The following ANOS1 variants were observed in gnomAD, a reference collection of about 807,000 sequenced individuals.
ANOS1 encodes anosmin 1.
ANOS1 carries 6 observed loss-of-function variants against 59.0 expected under a neutral mutation model. The observed-to-expected ratio is 0.10, with a 90% confidence interval of 0.06 to 0.20. ANOS1 has a LOEUF of 0.20. Ranked by LOEUF, ANOS1 falls within the 10% of genes least tolerant of loss-of-function variation. The probability of loss-of-function intolerance (pLI) is 1.00; values close to 1 mark genes in which losing one functional copy is unlikely to be tolerated. For synonymous variants in ANOS1, 217 were observed against 223.4 expected, an observed-to-expected ratio of 0.97 and a Z score of 0.25; for missense variants, 433 against 542.3, an observed-to-expected ratio of 0.80 and a Z score of 2.00.
At chrX:8,702,105 TCCACATCTGGGCCCTCATCTCTCCCC>T (rs1350492278) in intron 1 of ANOS1, among the ~76,000 whole-genome samples, 17 of 110,919 alleles carry the variant, frequency 1.5e-4, no homozygotes, top group Non-Finnish European at 2.8e-4. Context: ...GTTCCGTACG[TCCACATCTGGGCCCTCATCTCTCCCC>T]CCACATCTAT....
In ANOS1 at chrX:8,568,330, T is replaced by C; in HGVS notation, c.1109A>G (p.Tyr370Cys). 3 of 1,210,006 alleles carry C rather than the reference T, an allele frequency of 2.5e-6. No individual in the cohort carries two copies. The highest frequency in any genetic ancestry group is 3.4e-6 in the Non-Finnish European group (3 of 893,924). Residue 370 changes from tyrosine (Y) to cysteine (C), a missense_variant, in exon 8 of 14, where the codon TAT becomes TGT. By Grantham distance (194) the Tyr-to-Cys change is radical. Coordinates refer to ENST00000262648, the MANE Select transcript of ANOS1 (RefSeq NM_000216.4). ...CGTTATGGCTTGCAATTCCACAACA[T>C]AGTCACAGTCTGGCTGGAGTTTCTC... is the stretch of plus-strand genomic sequence containing the variant. The part of the protein sequence containing the change: ...ILEKLQPDCD[Y>C]VVELQAITYW...
chrX:8,637,846 G>A (rs916195001), intron 2 of ANOS1, among the ~76,000 whole-genome samples: 9 of 112,272 alleles, frequency 8.0e-5, no homozygotes, highest in East Asian at 2.8e-4. Flanking sequence ...ATATATTTAC[G>A]CAGCATTTGA....
intron 8 of ANOS1, among the ~76,000 whole-genome samples, chrX:8,563,735 T>G (rs1024360570): frequency 1.8e-5 from 2 of 112,154 alleles, no homozygotes; most frequent in Non-Finnish European, 3.8e-5. Context: ...TACTGAGCTC[T>G]TACTATGTTC....
chrX:8,685,394 T>C (rs1265109413), intron 2 of ANOS1, among the ~76,000 whole-genome samples: 1 of 107,596 alleles, frequency 9.3e-6, no homozygotes, highest in Non-Finnish European at 1.9e-5. Context: ...AGAAAGTCTT[T>C]CATGGAAACC....
chrX:8,536,916 C>T lies in ANOS1; in HGVS notation c.1476G>A (p.Leu492=), dbSNP rs1177284170. The change falls in exon 11 of 14, where the codon CTG becomes CTA. Residue 492 remains leucine, a synonymous_variant. Coordinates refer to ENST00000262648, the MANE Select transcript of ANOS1 (RefSeq NM_000216.4). ...TCACCTTATACTTGCAGGAAAATGA[C>T]AGATCTTGAAGAATTATGTAATTTT... is the stretch of plus-strand genomic sequence containing the variant. ...THENYIILQD[L]SFSCKYKVTV... 1.7e-6 allele frequency: 2 copies of T among 1,206,282 alleles called. No homozygotes were observed. Among genetic ancestry groups the T allele is most frequent in the Admixed American group, 2.2e-5 (1 of 45,671 alleles).
At chrX:8,575,614 T>C (rs867436420) in intron 6 of ANOS1, among the ~76,000 whole-genome samples, 1 of 101,417 alleles carries the variant, frequency 9.9e-6, no homozygotes, top group Non-Finnish European at 2.0e-5. Flanking sequence ...TGAAACATTA[T>C]GAAACATGAA....
At chrX:8,535,512 A>C in intron 12 of ANOS1, 79 bp downstream of exon 12, 1 of 752,399 alleles carries the variant, frequency 1.3e-6, no homozygotes, top group Non-Finnish European at 2.1e-6. Context: ...AGAATGACAG[A>C]GGTAGCCACC....
chrX:8,591,123 T>C (rs780330158), intron 4 of ANOS1, among the ~76,000 whole-genome samples: 12 of 111,729 alleles, frequency 1.1e-4, no homozygotes, highest in South Asian at 3.8e-4. Flanking sequence ...CAGCTCTGTA[T>C]GTTTTGTGTC....
rs376544905 is a variant in ANOS1 at position 8,605,178 on chromosome X, T to C, written c.319-7922A>G. ...TTTGAAAATGTTAAAATCATTAAAG[T>C]TTGACTTCTGCCGCTGCTGCCCCCA... On this transcript the variant is annotated intron_variant, in intron 3 of 13. Coordinates refer to ENST00000262648, the MANE Select transcript of ANOS1 (RefSeq NM_000216.4). Among the ~76,000 whole-genome samples the C allele has an allele frequency of 6.3e-5, 7 of 110,972 alleles. 1 individual carries two copies. In the East Asian group the frequency reaches 2.0e-3, roughly 31 times the overall value.
intron 3 of ANOS1, among the ~76,000 whole-genome samples, chrX:8,621,685 C>G (rs891404388): frequency 9.0e-6 from 1 of 111,721 alleles, no homozygotes. Flanking sequence ...GGATAAATCC[C>G]TCATTTGAAA....
intron 2 of ANOS1, among the ~76,000 whole-genome samples, chrX:8,690,770 G>A (rs898977663): frequency 1.8e-5 from 2 of 111,904 alleles, no homozygotes; most frequent in African/African-American, 6.5e-5. Context: ...TCTAAACGTG[G>A]TTCTGAATAA....
Position 8,566,567 on chromosome X carries a change from A to T in ANOS1, c.1207+1665T>A, listed in dbSNP as rs745628081. ...TAATATAGTATTCCTGGCATTAGAC[A>T]CAGTGATGTCATAATTCATAGGCAC... is the stretch of plus-strand genomic sequence containing the variant. On this transcript the variant is annotated intron_variant, in intron 8 of 13. Coordinates refer to ENST00000262648, the MANE Select transcript of ANOS1 (RefSeq NM_000216.4). Among the ~76,000 whole-genome samples the T allele has an allele frequency of 2.9e-4, 32 of 111,505 alleles. No individual in the cohort carries two copies. In the South Asian group the frequency reaches 0.012, roughly 42 times the overall value.
At chrX:8,667,264 C>A (rs952179222) in intron 2 of ANOS1, among the ~76,000 whole-genome samples, 3 of 109,887 alleles carry the variant, frequency 2.7e-5, no homozygotes, top group African/African-American at 1.0e-4. Context: ...TGAAACTCTT[C>A]TCTAATTTCC....
At chrX:8,691,274 A>G (rs1459966639) in intron 2 of ANOS1, among the ~76,000 whole-genome samples, 24 of 110,339 alleles carry the variant, frequency 2.2e-4, no homozygotes, top group Non-Finnish European at 1.9e-5. Flanking sequence ...GGGTTTCACC[A>G]TGTTGGCCAG....
intron 2 of ANOS1, among the ~76,000 whole-genome samples, chrX:8,677,372 T>A (rs1377003768): frequency 2.7e-5 from 3 of 112,252 alleles, no homozygotes; most frequent in Non-Finnish European, 5.6e-5. Context: ...ATGGAGAATT[T>A]TCATTGTATT....
chrX:8,609,831 C>T (rs1033897167), intron 3 of ANOS1, among the ~76,000 whole-genome samples: 20 of 107,768 alleles, frequency 1.9e-4, no homozygotes, highest in Non-Finnish European at 3.1e-4. Flanking sequence ...CACGGTGAAA[C>T]CCCATCTCTA....
intron 9 of ANOS1, among the ~76,000 whole-genome samples, chrX:8,543,129 C>T (rs1212196261): frequency 9.4e-6 from 1 of 105,889 alleles, no homozygotes; most frequent in Non-Finnish European, 1.9e-5. Flanking sequence ...GATAAACAGA[C>T]AGTAAACATT....
chrX:8,638,613 G>A (rs1274688476), intron 2 of ANOS1, among the ~76,000 whole-genome samples: 3 of 112,216 alleles, frequency 2.7e-5, no homozygotes, highest in African/African-American at 9.7e-5. Flanking sequence ...AATTCCCTGG[G>A]CAAAGGGATA....
At chrX:8,585,556 T>C (rs1569055820) in intron 5 of ANOS1, among the ~76,000 whole-genome samples, 160 bp from the exon 6 acceptor site, 1 of 112,132 alleles carries the variant, frequency 8.9e-6, no homozygotes, top group Non-Finnish European at 1.9e-5. Flanking sequence ...TGAAGAGAGC[T>C]GTCAGGGAAC....
Sources: gnomAD v4.1 joint callset for allele counts (sites outside exome capture counted in the v4.1 genomes callset) on GRCh38, gnomAD v4.1.1 for gene constraint, MANE v1.5 for transcripts, NCBI Gene and HGNC (gene_info 2026-07-23, HGNC 2026-07-21) for gene names.